Variants in PPP2R5E observed in about 807,000 individuals in gnomAD.
The protein encoded by PPP2R5E is protein phosphatase 2 regulatory subunit B'epsilon.
A neutral mutation model predicts 65.3 loss-of-function variants in PPP2R5E; 4 were observed. That is an observed-to-expected ratio of 0.06 (90% CI 0.03 to 0.14). The LOEUF is 0.14. Ranked by LOEUF, PPP2R5E falls within the 10% of genes least tolerant of loss-of-function variation. The probability of loss-of-function intolerance (pLI) is 1.00; values close to 1 mark genes in which losing one functional copy is unlikely to be tolerated. For synonymous variants in PPP2R5E, 183 were observed against 187.4 expected (o/e 0.98, Z 0.19); for missense variants, 274 against 556.1 (o/e 0.49, Z 5.10).
At chr14:63,383,428 T>C (rs1884483170) in intron 12 of PPP2R5E, among the ~76,000 whole-genome samples, 3 of 152,330 alleles carry the variant, frequency 2.0e-5, no homozygotes, top group South Asian at 4.1e-4. Context: ...CAGAATGACC[T>C]TCCTCCCAAG....
intron 2 of PPP2R5E, among the ~76,000 whole-genome samples, chr14:63,466,928 T>A (rs1290404622): frequency 6.6e-6 from 1 of 152,054 alleles, no homozygotes; most frequent in Non-Finnish European, 1.5e-5. Flanking sequence ...AACAGAAAAG[T>A]ATTTAAAAAC....
intron 2 of PPP2R5E, among the ~76,000 whole-genome samples, chr14:63,455,408 G>C (rs890697580): frequency 6.6e-6 from 1 of 152,126 alleles, no homozygotes; most frequent in African/African-American, 2.4e-5. Context: ...CCATATCTTT[G>C]AATGTATAGC....
At chr14:63,401,737 T>C (rs1014025498) in intron 5 of PPP2R5E, among the ~76,000 whole-genome samples, 10 of 152,116 alleles carry the variant, frequency 6.6e-5, no homozygotes, top group African/African-American at 2.2e-4. Flanking sequence ...TTTAGACTTA[T>C]TTGTAGACTT....
At chr14:63,487,485 AG>A (rs1891053872) in intron 2 of PPP2R5E, among the ~76,000 whole-genome samples, 1 of 152,208 alleles carries the variant, frequency 6.6e-6, no homozygotes, top group South Asian at 2.1e-4. Context: ...GTTAAAAAGA[AG>A]GGAAGTGAAA....
chr14:63,441,556 T>C (rs1888237172), intron 3 of PPP2R5E, among the ~76,000 whole-genome samples: 1 of 152,234 alleles, frequency 6.6e-6, no homozygotes, highest in African/African-American at 2.4e-5. Context: ...GCTTAAACCA[T>C]TTTTGAGTCA....
At chr14:63,537,493 T>G (rs549851970) in intron 2 of PPP2R5E, among the ~76,000 whole-genome samples, 1 of 151,510 alleles carries the variant, frequency 6.6e-6, no homozygotes, top group Non-Finnish European at 1.5e-5. Context: ...TCATCTTTAC[T>G]GACTGGTAGA....
chr14:63,537,515 T>C (rs754679368), intron 2 of PPP2R5E, among the ~76,000 whole-genome samples: 2 of 152,228 alleles, frequency 1.3e-5, no homozygotes, highest in Non-Finnish European at 2.9e-5. Flanking sequence ...ATATCATCTT[T>C]ACAGTAATCA....
intron 2 of PPP2R5E, among the ~76,000 whole-genome samples, chr14:63,490,210 G>A (rs1435230588): frequency 6.6e-6 from 1 of 151,978 alleles, no homozygotes; most frequent in African/African-American, 2.4e-5. Context: ...AAATGGTGCT[G>A]GGAAAACTGG....
intron 2 of PPP2R5E, among the ~76,000 whole-genome samples, chr14:63,538,367 C>A (rs113454471): frequency 0.01 from 1,558 of 151,776 alleles, 19 homozygotes; most frequent in South Asian, 0.072. Flanking sequence ...TCAAGCAATT[C>A]TCCTGCCTCG....
chr14:63,542,262 A>G (rs1293790621), intron 1 of PPP2R5E, among the ~76,000 whole-genome samples: 1 of 152,192 alleles, frequency 6.6e-6, no homozygotes, highest in Non-Finnish European at 1.5e-5. Flanking sequence ...AGCCCAGGGA[A>G]ACAGGTTTCG....
intron 2 of PPP2R5E, among the ~76,000 whole-genome samples, 167 bp from the exon 3 acceptor site, chr14:63,454,052 A>G (rs1307501679): frequency 6.6e-6 from 1 of 152,210 alleles, no homozygotes; most frequent in African/African-American, 2.4e-5. Flanking sequence ...CGTATCTACT[A>G]CTTCAGAGAC....
At chr14:63,402,314 A>AACT (rs1426869071) in intron 5 of PPP2R5E, among the ~76,000 whole-genome samples, 1 of 152,246 alleles carries the variant, frequency 6.6e-6, no homozygotes, top group Non-Finnish European at 1.5e-5. Context: ...CAAAGTCACC[A>AACT]GTTGCCAAGT....
At chr14:63,520,346 T>C (rs533902801) in intron 2 of PPP2R5E, among the ~76,000 whole-genome samples, 4 of 152,302 alleles carry the variant, frequency 2.6e-5, no homozygotes, top group African/African-American at 7.2e-5. Context: ...AGAAGAACCT[T>C]ATCAACCTGC....
intron 2 of PPP2R5E, among the ~76,000 whole-genome samples, chr14:63,525,934 G>C (rs948257371): frequency 6.6e-6 from 1 of 152,136 alleles, no homozygotes; most frequent in African/African-American, 2.4e-5. Context: ...TCAGCTCACT[G>C]CAACCTCCGC....
chr14:63,539,336 C>A (rs918652474), intron 2 of PPP2R5E, among the ~76,000 whole-genome samples, 193 bp downstream of exon 2: 6 of 152,134 alleles, frequency 3.9e-5, no homozygotes, highest in Non-Finnish European at 7.4e-5. Flanking sequence ...TTTTAACTTG[C>A]CCAAAGACAG....
intron 2 of PPP2R5E, among the ~76,000 whole-genome samples, chr14:63,459,023 C>G (rs547543497): frequency 6.6e-6 from 1 of 152,116 alleles, no homozygotes; most frequent in Non-Finnish European, 1.5e-5. Flanking sequence ...AATCCTCATC[C>G]ATGTATACTC....
intron 11 of PPP2R5E, 100 bp downstream of exon 11, chr14:63,389,512 A>C: frequency 1.5e-6 from 2 of 1,332,570 alleles, no homozygotes. Flanking sequence ...GATAGCAAAT[A>C]AACAATAGGT....
At position 63,422,054 on chromosome 14, in the gene PPP2R5E, C is replaced by T. The variant is rs1422095788; in HGVS notation, c.395G>A (p.Ser132Asn). The change falls in exon 4 of 14, where the codon AGC becomes AAC. Residue 132 changes from serine (S) to asparagine (N), a missense_variant. Transcript: ENST00000337537. The part of the protein sequence containing the change: ...NIFRTLPPSD[S>N]NEFDPEEDEP... ...ATCTTCTTCTGGATCAAATTCATTG[C>T]TGTCACTAGGAGGGAGAGTTCTGAA... The T allele has an allele frequency of 1.2e-6, 2 of 1,613,808 alleles. No individual in the cohort carries two copies. The highest frequency in any genetic ancestry group is 2.2e-5 in the East Asian group (1 of 44,886).
chr14:63,536,587 A>G (rs1209783327), intron 2 of PPP2R5E, among the ~76,000 whole-genome samples: 1 of 152,224 alleles, frequency 6.6e-6, no homozygotes, highest in Non-Finnish European at 1.5e-5. Context: ...TCACAGCAGC[A>G]TTATTCACAA....
Sources: allele counts gnomAD v4.1 joint callset (sites outside exome capture counted in the v4.1 genomes callset), GRCh38; gene constraint gnomAD v4.1.1; transcripts MANE v1.5; gene names NCBI Gene and HGNC (gene_info 2026-07-23, HGNC 2026-07-21).